Variants in SGCG observed in about 807,000 individuals in gnomAD.
SGCG encodes sarcoglycan gamma.
In SGCG, 26 loss-of-function variants were observed where a neutral mutation model predicts 29.3. That is an observed-to-expected ratio of 0.89 (90% CI 0.65 to 1.23). The LOEUF is 1.23. SGCG is among the 50% of genes most tolerant of loss of function. The pLI, the probability that SGCG is intolerant of heterozygous loss-of-function variation, is 0.00. For missense variants in SGCG, 353 were observed against 356.0 expected (o/e 0.99, Z 0.07); for synonymous variants, 145 against 129.7 (o/e 1.12, Z -0.80).
At chr13:23,263,621 A>T (rs1880529504) in intron 4 of SGCG, among the ~76,000 whole-genome samples, 2 of 152,074 alleles carry the variant, frequency 1.3e-5, no homozygotes, top group Admixed American at 1.3e-4. Context: ...GCCAGGAAAG[A>T]AAATATTAGT....
the SGCG span, among the ~76,000 whole-genome samples, chr13:23,163,069 G>T: frequency 6.6e-6 from 1 of 152,034 alleles, no homozygotes; most frequent in Admixed American, 6.6e-5. Context: ...TGTATTTTTT[G>T]AATGCCAATT....
Position 23,256,517 on chromosome 13 carries a change from G to A in SGCG, c.385+5800G>A, listed in dbSNP as rs538820019. On this transcript the variant is annotated intron_variant, in intron 4 of 7. Coordinates refer to ENST00000218867, the MANE Select transcript of SGCG (RefSeq NM_000231.3). ...TACATTAGGTATCTCCCCTAATGCTGTCCCTCCCCCATTCCCCCACCCCAC... is the reference window on the plus strand; with the variant it reads ...TACATTAGGTATCTCCCCTAATGCTATCCCTCCCCCATTCCCCCACCCCAC... Among the ~76,000 whole-genome samples, 45 of 151,728 alleles carry A rather than the reference G, an allele frequency of 3.0e-4. No individual in the cohort carries two copies. The South Asian group carries it at 9.2e-3, about 31-fold the overall frequency.
intron 1 of SGCG, among the ~76,000 whole-genome samples, chr13:23,181,724 C>CT (rs1876741535): frequency 2.0e-5 from 3 of 152,286 alleles, no homozygotes; most frequent in Middle Eastern, 3.4e-3. Context: ...AATGCTTCAG[C>CT]TTACTGAAGT....
intron 5 of SGCG, among the ~76,000 whole-genome samples, chr13:23,291,680 A>G (rs532170922): frequency 6.6e-6 from 1 of 152,322 alleles, no homozygotes; most frequent in African/African-American, 2.4e-5. Context: ...CCATAATCAT[A>G]TGTCAATATA....
At chr13:23,186,472 T>C (rs1195696828) in intron 1 of SGCG, among the ~76,000 whole-genome samples, 2 of 152,128 alleles carry the variant, frequency 1.3e-5, no homozygotes, top group Admixed American at 1.3e-4. Flanking sequence ...GGGAGCAGAC[T>C]TCCAGATCCA....
chr13:23,220,112 A>G (rs368260811), intron 2 of SGCG, among the ~76,000 whole-genome samples: 13 of 151,882 alleles, frequency 8.6e-5, no homozygotes, highest in African/African-American at 3.1e-4. Flanking sequence ...AAGTGCTGCA[A>G]TTACAGGGCT....
intron 4 of SGCG, 113 bp from the exon 5 acceptor site, chr13:23,279,246 A>G: frequency 9.9e-7 from 1 of 1,014,560 alleles, no homozygotes; most frequent in Non-Finnish European, 1.5e-6. Context: ...ATGGTAACAA[A>G]TACCAAGTCT....
intron 6 of SGCG, among the ~76,000 whole-genome samples, chr13:23,307,815 AT>A (rs1356664166): frequency 6.6e-6 from 1 of 152,232 alleles, no homozygotes; most frequent in East Asian, 1.9e-4. Flanking sequence ...TCATAAATAC[AT>A]AACTATTAAA....
intron 4 of SGCG, among the ~76,000 whole-genome samples, chr13:23,269,820 C>A (rs1880789072): frequency 6.7e-6 from 1 of 148,596 alleles, no homozygotes; most frequent in Admixed American, 6.7e-5. Context: ...CAAAGAGTAA[C>A]AATTGCATAT....
chr13:23,303,840 C>T (rs1882265956), intron 6 of SGCG, among the ~76,000 whole-genome samples: 1 of 152,120 alleles, frequency 6.6e-6, no homozygotes, highest in Non-Finnish European at 1.5e-5. Flanking sequence ...GGTGACTTTC[C>T]CCTCCATTGA....
chr13:23,250,663 G>T lies in SGCG; in HGVS notation c.331G>T (p.Val111Leu). Residue 111 changes from valine to leucine, a missense_variant, in exon 4 of 8, where the codon GTG becomes TTG. Coordinates refer to ENST00000218867, the MANE Select transcript of SGCG (RefSeq NM_000231.3). ...TCTGCTTCTACAATCAACCCAGAAT[G>T]TGACTGTAAATGCGCGCAACTCAGA... is the stretch of plus-strand genomic sequence containing the variant. The part of the protein sequence containing the change: ...SSLLLQSTQN[V>L]TVNARNSEGE... 6.2e-7 allele frequency: 1 copy of T among 1,612,968 alleles called. No homozygotes were observed.
intron 6 of SGCG, among the ~76,000 whole-genome samples, chr13:23,301,494 G>A (rs1196807477): frequency 6.6e-6 from 1 of 152,156 alleles, no homozygotes; most frequent in Non-Finnish European, 1.5e-5. Flanking sequence ...GATGGGGCTT[G>A]GAGCAGCCTA....
chr13:23,185,001 G>T (rs1876913426), intron 1 of SGCG, among the ~76,000 whole-genome samples: 1 of 152,208 alleles, frequency 6.6e-6, no homozygotes, highest in Non-Finnish European at 1.5e-5. Context: ...TCAATAACAA[G>T]AGTAACACCA....
chr13:23,302,418 G>A (rs1314990181), intron 6 of SGCG, among the ~76,000 whole-genome samples: 1 of 151,996 alleles, frequency 6.6e-6, no homozygotes, highest in South Asian at 2.1e-4. Context: ...TTCTTCCTAT[G>A]TAAGTTGTAA....
At position 23,182,837 on chromosome 13, in the gene SGCG, G is replaced by C. The variant is rs182476422; in HGVS notation, c.-1+1762G>C. 2.0e-5 allele frequency among the ~76,000 whole-genome samples: 3 copies of C among 152,298 alleles called. No homozygotes were observed. In the East Asian group the frequency reaches 5.8e-4, roughly 29 times the overall value. On this transcript the variant is annotated intron_variant, in intron 1 of 7. Coordinates refer to ENST00000218867, the MANE Select transcript of SGCG (RefSeq NM_000231.3). ...TTTGTGCTTCATCCTAAGCACCAGT[G>C]AGACCTTTGAACCTCTAGAAAAGGA...
chr13:23,252,497 C>A (rs1341892115), intron 4 of SGCG, among the ~76,000 whole-genome samples: 3 of 152,070 alleles, frequency 2.0e-5, no homozygotes, highest in Admixed American at 6.5e-5. Flanking sequence ...CAAGACCATC[C>A]TGGCTAACAC....
In SGCG at chr13:23,202,156, C is replaced by A. The variant is rs117194549; in HGVS notation, c.1-1539C>A. On this transcript the variant is annotated intron_variant, in intron 1 of 7. Transcript: ENST00000218867. ...AGGACACAGTGGTAGTAGATGAAGC[C>A]AAAGACATCAGCGAAGTCCGGCTCA... Among the ~76,000 whole-genome samples, 802 of 152,248 alleles carry A rather than the reference C, an allele frequency of 5.3e-3. 5 individuals carry two copies. The highest frequency in any genetic ancestry group is 0.017 in the Middle Eastern group (5 of 294).
chr13:23,216,502 A>AT (rs1297448585), intron 2 of SGCG, among the ~76,000 whole-genome samples: 6 of 152,148 alleles, frequency 3.9e-5, no homozygotes, highest in African/African-American at 1.4e-4. Context: ...AGGTTGATGG[A>AT]GCCAATATAA....
chr13:23,286,842 T>A (rs1328944240), intron 5 of SGCG, among the ~76,000 whole-genome samples: 1 of 152,244 alleles, frequency 6.6e-6, no homozygotes, highest in Non-Finnish European at 1.5e-5. Flanking sequence ...AGGTGAATGA[T>A]ACAGGATTGT....
Sources: gnomAD v4.1 joint callset for allele counts (sites outside exome capture counted in the v4.1 genomes callset) on GRCh38, gnomAD v4.1.1 for gene constraint, MANE v1.5 for transcripts, NCBI Gene and HGNC (gene_info 2026-07-23, HGNC 2026-07-21) for gene names.